C1QTNF5: variants seen among roughly 807,000 people sequenced by gnomAD.
The protein encoded by C1QTNF5 is complement C1q tumor necrosis factor-related protein 5.
In C1QTNF5, 5 loss-of-function variants were observed where a neutral mutation model predicts 10.9. That is an observed-to-expected ratio of 0.46 (90% CI 0.24 to 0.97). The LOEUF (loss-of-function observed/expected upper bound fraction) is 0.97. C1QTNF5 is among the 50% of genes least tolerant of loss of function. The pLI is 0.19. For synonymous variants in C1QTNF5, 161 were observed against 156.5 expected (o/e 1.03, Z -0.22); for missense variants, 281 against 339.4 (o/e 0.83, Z 1.35).
Position 119,340,183 on chromosome 11 carries a change from C to T in C1QTNF5, c.214+1G>A. 6.6e-7 allele frequency: 1 copy of T among 1,514,872 alleles called. No individual in the cohort carries two copies. The highest frequency in any genetic ancestry group is 1.2e-5 in the South Asian group (1 of 80,472). 93.8% of individuals were successfully genotyped at this position (1,514,872 alleles called of 1,614,324 possible). ...CGATAGCCGCGGCGGTGCCTTCTTA[C>T]CCGGCCTCCCGCCCTCGCCTTTCTC... On this transcript the variant is annotated splice_donor_variant, in intron 2 of 2. Coordinates refer to ENST00000528368, the MANE Select transcript of C1QTNF5 (RefSeq NM_001278431.2). LOFTEE classifies it high-confidence loss of function.
the C1QTNF5 span, chr11:119,346,239 G>T: frequency 6.3e-7 from 1 of 1,579,934 alleles, no homozygotes; most frequent in African/African-American, 1.3e-5. Flanking sequence ...GGGCCTCTCT[G>T]TCCTCCCCCA....
upstream of C1QTNF5, chr11:119,342,112 G>GATA (rs1950508980): frequency 2.7e-6 from 3 of 1,127,546 alleles, no homozygotes; most frequent in South Asian, 1.4e-5. Flanking sequence ...GAAGCAAGAG[G>GATA]ATAACAAAGA....
upstream of C1QTNF5, chr11:119,342,672 C>A (rs201420631): frequency 6.2e-7 from 1 of 1,613,772 alleles, no homozygotes; most frequent in Admixed American, 1.7e-5. Flanking sequence ...CACACATCCA[C>A]TGCACACCCT....
upstream of C1QTNF5, chr11:119,345,753 G>A: frequency 6.2e-7 from 1 of 1,613,454 alleles, no homozygotes; most frequent in Non-Finnish European, 8.5e-7. Flanking sequence ...TCTCCCGGAA[G>A]ATCTGCCCCC....
chr11:119,342,597 TG>T (rs1222372034), upstream of C1QTNF5: 1 of 1,613,094 alleles, frequency 6.2e-7, no homozygotes, highest in South Asian at 1.1e-5. Flanking sequence ...GCTTCTCACC[TG>T]GGGGTGGGAA....
upstream of C1QTNF5, chr11:119,342,943 C>A (rs562312824): frequency 6.2e-7 from 1 of 1,612,188 alleles, no homozygotes; most frequent in East Asian, 2.2e-5. Context: ...CTGTCCTAAA[C>A]AGCACAGCCA....
the C1QTNF5 span, chr11:119,346,621 C>T: frequency 2.1e-3 from 2,434 of 1,184,284 alleles, 23 homozygotes; most frequent in Middle Eastern, 0.017. Context: ...CTCTACTACC[C>T]GAGGGAAAAG....
At chr11:119,344,956 G>A, upstream of C1QTNF5, 1 of 1,609,980 alleles carries the variant, frequency 6.2e-7, no homozygotes, top group Non-Finnish European at 8.5e-7. Context: ...CCACCAGGAG[G>A]TGGCTGGCAT....
chr11:119,340,807 C>T lies in C1QTNF5; in HGVS notation c.-156G>A. The T allele has an allele frequency of 4.0e-6, 1 of 252,098 alleles. No individual in the cohort carries two copies. The highest frequency in any genetic ancestry group is 7.6e-6 in the Non-Finnish European group (1 of 130,812). The allele number at this position is 252,098 out of a possible 1,614,324, so 15.6% of individuals were successfully genotyped here. ...CCCCGGCCAGGCGCCCCCTGCCCTG[C>T]CGTCACCCCAGTCCTGGTTCGCTCC... is the stretch of plus-strand genomic sequence containing the variant. On this transcript the variant is annotated 5_prime_UTR_variant, in exon 1 of 3. Coordinates refer to ENST00000528368, the MANE Select transcript of C1QTNF5 (RefSeq NM_001278431.2).
At chr11:119,345,396 T>A (rs1357029998), upstream of C1QTNF5, 1 of 1,609,316 alleles carries the variant, frequency 6.2e-7, no homozygotes, top group African/African-American at 1.3e-5. Flanking sequence ...CACGGTGGGA[T>A]GTCCTGGGGA....
At chr11:119,344,290 G>C (rs373354558), upstream of C1QTNF5, 5 of 1,608,502 alleles carry the variant, frequency 3.1e-6, no homozygotes, top group South Asian at 5.5e-5. Context: ...TGCCCCTCCC[G>C]TTCTGCATGG....
chr11:119,346,146 T>C, the C1QTNF5 span: 14 of 1,595,844 alleles, frequency 8.8e-6, no homozygotes, highest in East Asian at 3.2e-4. Context: ...GCCGTAGCCC[T>C]CGAGGACGCC....
upstream of C1QTNF5, chr11:119,345,693 G>T (rs546706818): frequency 8.7e-6 from 14 of 1,611,942 alleles, no homozygotes; most frequent in Admixed American, 1.7e-5. Flanking sequence ...TATTCTCAAG[G>T]TGCCTCTTCC....
At chr11:119,341,920 G>A, upstream of C1QTNF5, 1 of 1,614,068 alleles carries the variant, frequency 6.2e-7, no homozygotes, top group Non-Finnish European at 8.5e-7. Context: ...AGATGTTAGG[G>A]AAGGCTGTGG....
upstream of C1QTNF5, chr11:119,345,440 C>T: frequency 6.2e-7 from 1 of 1,613,930 alleles, no homozygotes; most frequent in Non-Finnish European, 8.5e-7. Flanking sequence ...GGCCTTCAGG[C>T]TCAGGGGAGA....
chr11:119,342,952 C>T (rs772644068), upstream of C1QTNF5: 2 of 1,612,136 alleles, frequency 1.2e-6, no homozygotes, highest in East Asian at 4.5e-5. Flanking sequence ...ACAGCACAGC[C>T]AGCTCATGGT....
In C1QTNF5 at chr11:119,339,945, C is replaced by T. The variant is rs1950483557; in HGVS notation, c.215-97G>A. 1 of 1,390,558 alleles carries T rather than the reference C, an allele frequency of 7.2e-7. No individual in the cohort carries two copies. Among genetic ancestry groups the T allele is most frequent in the African/African-American group, 1.5e-5 (1 of 66,290 alleles). The allele number at this position is 1,390,558 out of a possible 1,614,324, so 86.1% of individuals were successfully genotyped here. ...TCACCGTACCCCTCCCCGCCCCTGC[C>T]TGAGCTTCGGCCAGCGCCTCCTCCC... is the stretch of plus-strand genomic sequence containing the variant. On this transcript the variant is annotated intron_variant, in intron 2 of 2. Transcript: ENST00000528368. The surrounding 1 kb of genome is among the most constrained non-coding windows in gnomAD (Gnocchi z 5.4).
chr11:119,341,641 G>C, upstream of C1QTNF5: 1 of 1,612,986 alleles, frequency 6.2e-7, no homozygotes, highest in South Asian at 1.1e-5. Context: ...GGCCAGACTG[G>C]CACTGGTGCT....
At chr11:119,346,068 C>A in the C1QTNF5 span, 32 of 1,610,118 alleles carry the variant, frequency 2.0e-5, no homozygotes, top group Non-Finnish European at 2.7e-5. Flanking sequence ...TGGCCACCAG[C>A]AGCCCAAGCA....
Sources: allele counts gnomAD v4.1 joint callset, GRCh38; gene constraint gnomAD v4.1.1; non-coding constraint Gnocchi (gnomAD v3.1); transcripts MANE v1.5; gene names NCBI Gene and HGNC (gene_info 2026-07-23, HGNC 2026-07-21).